The following CHIC1 variants were observed in gnomAD, a reference collection of about 807,000 sequenced individuals.
CHIC1 encodes the protein cysteine-rich hydrophobic domain-containing protein 1.
CHIC1 carries 7 observed loss-of-function variants against 18.5 expected under a neutral mutation model. The ratio of observed to expected loss-of-function variants is 0.38; its 90% CI spans 0.22 to 0.71. The LOEUF (loss-of-function observed/expected upper bound fraction) is 0.71, where lower values mean the gene tolerates loss of function less well. CHIC1 is among the 30% of genes least tolerant of loss of function. The pLI is 0.49. For missense variants in CHIC1, 159 were observed against 176.9 expected (o/e 0.90, Z 0.57); for synonymous variants, 77 against 73.5 (o/e 1.05, Z -0.25).
chrX:73,574,286 C>G (rs753054247), intron 1 of CHIC1, among the ~76,000 whole-genome samples: 7 of 110,690 alleles, frequency 6.3e-5, no homozygotes, highest in Non-Finnish European at 1.3e-4. Flanking sequence ...GCTGTTTGAT[C>G]GTGGTGAATT....
intron 2 of CHIC1, among the ~76,000 whole-genome samples, chrX:73,579,520 G>T (rs1402084220): frequency 9.1e-6 from 1 of 109,954 alleles, no homozygotes; most frequent in African/African-American, 3.3e-5. Context: ...TTATTCTCTG[G>T]CCTCACCACT....
At chrX:73,665,760 T>G (rs1271606165) in intron 3 of CHIC1, among the ~76,000 whole-genome samples, 3 of 110,790 alleles carry the variant, frequency 2.7e-5, no homozygotes, top group Non-Finnish European at 5.7e-5. Flanking sequence ...GATGAAAAAA[T>G]GTACGCAGAC....
At chrX:73,640,602 T>A (rs887042614) in intron 3 of CHIC1, among the ~76,000 whole-genome samples, 1 of 111,922 alleles carries the variant, frequency 8.9e-6, no homozygotes, top group African/African-American at 3.2e-5. Flanking sequence ...TGTGTAGGAA[T>A]TTGTCCATTT....
intron 3 of CHIC1, among the ~76,000 whole-genome samples, chrX:73,626,478 G>A (rs771953562): frequency 2.8e-4 from 31 of 110,208 alleles, no homozygotes; most frequent in African/African-American, 5.3e-4. Flanking sequence ...CATGCTTTAC[G>A]GTTTTTTATT....
intron 3 of CHIC1, among the ~76,000 whole-genome samples, chrX:73,668,483 C>A (rs950038661): frequency 6.3e-5 from 7 of 111,566 alleles, no homozygotes; most frequent in African/African-American, 2.3e-4. Context: ...TCTTTCTCAT[C>A]CTTGTGGGAT....
At chrX:73,627,416 ATGGGTCCAGAGGTGC>A (rs1311742101) in intron 3 of CHIC1, among the ~76,000 whole-genome samples, 2 of 112,677 alleles carry the variant, frequency 1.8e-5, no homozygotes, top group Non-Finnish European at 3.8e-5. Context: ...CAGGCCTTGG[ATGGGTCCAGAGGTGC>A]TGTCCTAGAG....
chrX:73,650,965 C>T (rs928783287), intron 3 of CHIC1, among the ~76,000 whole-genome samples: 2 of 111,573 alleles, frequency 1.8e-5, no homozygotes, highest in Non-Finnish European at 3.8e-5. Context: ...CCAAATCCAG[C>T]AGCACATCAA....
intron 3 of CHIC1, among the ~76,000 whole-genome samples, chrX:73,605,115 TA>T (rs1051244013): frequency 9.2e-6 from 1 of 108,211 alleles, no homozygotes; most frequent in Admixed American, 9.7e-5. Context: ...AGTCTCCCAC[TA>T]TTATCGTGTA....
At chrX:73,655,479 TA>T (rs2057940467) in intron 3 of CHIC1, among the ~76,000 whole-genome samples, 5 of 70,135 alleles carry the variant, frequency 7.1e-5, no homozygotes, top group African/African-American at 2.5e-4. Flanking sequence ...TATATACATA[TA>T]TACACAATAT....
chrX:73,674,366 A>G (rs1428187646), intron 3 of CHIC1, among the ~76,000 whole-genome samples: 59 of 111,478 alleles, frequency 5.3e-4, no homozygotes, highest in Non-Finnish European at 9.4e-4. Flanking sequence ...CTGGTCCTGG[A>G]CTTTTTTTGG....
intron 3 of CHIC1, among the ~76,000 whole-genome samples, chrX:73,675,507 A>C (rs1456895694): frequency 9.0e-6 from 1 of 110,797 alleles, no homozygotes. Context: ...GTCTCTTTTG[A>C]TCTTTGTTGG....
At chrX:73,640,984 A>G (rs763531078) in intron 3 of CHIC1, among the ~76,000 whole-genome samples, 4 of 111,566 alleles carry the variant, frequency 3.6e-5, no homozygotes, top group Non-Finnish European at 5.6e-5. Context: ...ATTTAGTGCT[A>G]TAAATTTCCC....
rs762126589 is a variant in CHIC1, at chrX:73,610,498, C to T, written c.507+25926C>T. On this transcript the variant is annotated intron_variant, in intron 3 of 5. Coordinates refer to ENST00000373502, the MANE Select transcript of CHIC1 (RefSeq NM_001039840.4). ...TGGTCTCGGTGGGAGCTACAGACTG[C>T]AGCTGTTCCCGTTTGGCCATCTTGG... is the stretch of plus-strand genomic sequence containing the variant. 5.1e-5 allele frequency among the ~76,000 whole-genome samples: 2 copies of T among 39,349 alleles called. 1 individual carries two copies. Among genetic ancestry groups the T allele is most frequent in the African/African-American group, 2.3e-4 (2 of 8,762 alleles). 34.2% of individuals were successfully genotyped at this position (39,349 alleles called of 115,157 possible).
chrX:73,578,491 A>G lies in CHIC1; in HGVS notation c.351+1030A>G, dbSNP rs779213100. 2.7e-5 allele frequency among the ~76,000 whole-genome samples: 3 copies of G among 110,795 alleles called. No homozygotes were observed. In the South Asian group the frequency reaches 1.1e-3, roughly 41 times the overall value. On this transcript the variant is annotated intron_variant, in intron 2 of 5. Coordinates refer to ENST00000373502, the MANE Select transcript of CHIC1 (RefSeq NM_001039840.4). ...GTATTTTGGAGCCTTTAAATTCAACATATTTAATTTTAGTACTAGAATAAT... is the reference window on the plus strand; with the variant it reads ...GTATTTTGGAGCCTTTAAATTCAACGTATTTAATTTTAGTACTAGAATAAT...
intron 1 of CHIC1, among the ~76,000 whole-genome samples, chrX:73,565,947 C>G (rs997432292): frequency 1.8e-5 from 2 of 110,478 alleles, no homozygotes; most frequent in Non-Finnish European, 3.8e-5. Flanking sequence ...TTTGAGAGCC[C>G]TCACCTCAAA....
intron 3 of CHIC1, among the ~76,000 whole-genome samples, chrX:73,630,263 A>G (rs1402709950): frequency 9.0e-6 from 1 of 111,273 alleles, no homozygotes; most frequent in African/African-American, 3.3e-5. Flanking sequence ...TTATTTACTT[A>G]TTGCCTAATT....
intron 3 of CHIC1, among the ~76,000 whole-genome samples, chrX:73,664,929 A>G (rs1184750449): frequency 3.6e-5 from 4 of 112,201 alleles, no homozygotes; most frequent in African/African-American, 9.7e-5. Flanking sequence ...GGGGTCATAC[A>G]GAAGTTGTCT....
At chrX:73,650,176 G>A (rs1382294535) in intron 3 of CHIC1, among the ~76,000 whole-genome samples, 1 of 112,059 alleles carries the variant, frequency 8.9e-6, no homozygotes, top group Non-Finnish European at 1.9e-5. Context: ...CTGGGACACA[G>A]CGAAGGCAGT....
At chrX:73,673,759 G>C (rs2058045647) in intron 3 of CHIC1, among the ~76,000 whole-genome samples, 3 of 111,011 alleles carry the variant, frequency 2.7e-5, no homozygotes, top group African/African-American at 6.6e-5. Context: ...CTGACTAATT[G>C]CCCTGGCCAG....
Sources: gnomAD v4.1 joint callset for allele counts (sites outside exome capture counted in the v4.1 genomes callset) on GRCh38, gnomAD v4.1.1 for gene constraint, MANE v1.5 for transcripts, NCBI Gene and HGNC (gene_info 2026-07-23, HGNC 2026-07-21) for gene names.